Variants in RAPH1 observed in about 807,000 individuals in gnomAD.
RAPH1 encodes the protein ras-associated and pleckstrin homology domains-containing protein 1.
RAPH1 carries 18 observed loss-of-function variants against 88.1 expected under a neutral mutation model. That is an observed-to-expected ratio of 0.20 (90% CI 0.14 to 0.30). The LOEUF (loss-of-function observed/expected upper bound fraction) is 0.30. Ranked by LOEUF, RAPH1 falls within the 10% of genes least tolerant of loss-of-function variation. The pLI is 1.00. For missense variants in RAPH1, 1,448 were observed against 1,543.2 expected (o/e 0.94, Z 1.03); for synonymous variants, 587 against 559.0 (o/e 1.05, Z -0.71).
rs751250565 is a variant in RAPH1, at chr2:203,490,105, CATA to C, written c.227-19_227-17del. On this transcript the variant is annotated splice_polypyrimidine_tract_variant and intron_variant, in intron 3 of 13. Coordinates refer to ENST00000319170, the MANE Select transcript of RAPH1 (RefSeq NM_213589.3). The stretch of plus-strand genomic sequence containing the variant: ...TTCAGAGCTTCTGCAATGAACAACA[CATA>C]ATGTTTCCAGAATTTATACATTCTA... 2.2e-5 allele frequency: 34 copies of C among 1,562,084 alleles called. No homozygotes were observed. The highest frequency in any genetic ancestry group is 2.7e-5 in the Non-Finnish European group (31 of 1,156,646).
chr2:203,468,432 G>T (rs931335625), intron 4 of RAPH1, among the ~76,000 whole-genome samples: 5 of 152,040 alleles, frequency 3.3e-5, no homozygotes, highest in African/African-American at 9.7e-5. Flanking sequence ...GCCCCAGGCT[G>T]GTTTCTTTGC....
intron 13 of RAPH1, chr2:203,441,803 A>T (rs1192134027): frequency 2.3e-6 from 3 of 1,286,700 alleles, no homozygotes; most frequent in Non-Finnish European, 2.9e-6. Flanking sequence ...CCAAGGGGAG[A>T]TGTGATGGCT....
intron 1 of RAPH1, among the ~76,000 whole-genome samples, chr2:203,497,024 A>C (rs1688546297): frequency 6.6e-6 from 1 of 152,084 alleles, no homozygotes; most frequent in African/African-American, 2.4e-5. Context: ...CCCTTCCAAA[A>C]CTCAAGTGTT....
chr2:203,503,829 C>T (rs572121874), intron 1 of RAPH1, among the ~76,000 whole-genome samples: 7 of 152,276 alleles, frequency 4.6e-5, no homozygotes, highest in Middle Eastern at 6.8e-3. Flanking sequence ...TACAGCCGTT[C>T]CAAATGGGAG....
intron 1 of RAPH1, among the ~76,000 whole-genome samples, chr2:203,530,012 T>C (rs754940153): frequency 6.6e-6 from 1 of 152,238 alleles, no homozygotes; most frequent in Non-Finnish European, 1.5e-5. Flanking sequence ...AGAATACCTA[T>C]CTTAGATTTC....
chr2:203,471,339 CT>C (rs2098532882), intron 4 of RAPH1, among the ~76,000 whole-genome samples: 1 of 152,134 alleles, frequency 6.6e-6, no homozygotes. Context: ...GCAGCACCCC[CT>C]ATAAGAAAGT....
chr2:203,470,300 T>C (rs1426528138), intron 4 of RAPH1: 1 of 1,610,850 alleles, frequency 6.2e-7, no homozygotes, highest in South Asian at 1.1e-5. Context: ...GGTTTCCCTG[T>C]CCAGATAGGA....
At chr2:203,488,606 A>AC (rs1467931029) in intron 4 of RAPH1, among the ~76,000 whole-genome samples, 2 of 149,694 alleles carry the variant, frequency 1.3e-5, no homozygotes, top group East Asian at 2.0e-4. Context: ...AAAAAAAAAA[A>AC]AAAAAAAAAA....
chr2:203,441,990 C>G, intron 13 of RAPH1: 1 of 1,527,052 alleles, frequency 6.5e-7, no homozygotes, highest in Non-Finnish European at 8.7e-7. Context: ...GCTTGACACA[C>G]ACACTCGTGT....
At chr2:203,521,646 T>C (rs918351666) in intron 1 of RAPH1, among the ~76,000 whole-genome samples, 4 of 152,166 alleles carry the variant, frequency 2.6e-5, no homozygotes, top group African/African-American at 9.6e-5. Flanking sequence ...AAACAAATTT[T>C]ATTTTTAAAA....
chr2:203,464,599 T>A (rs1345109476), intron 4 of RAPH1, among the ~76,000 whole-genome samples: 1 of 152,232 alleles, frequency 6.6e-6, no homozygotes, highest in African/African-American at 2.4e-5. Context: ...GGCCAAATTC[T>A]TTATGGTATT....
At chr2:203,480,347 G>A (rs1461092340) in intron 4 of RAPH1, among the ~76,000 whole-genome samples, 3 of 152,118 alleles carry the variant, frequency 2.0e-5, no homozygotes, top group African/African-American at 7.2e-5. Context: ...TCAGGAGCTC[G>A]AGACCAGCCT....
chr2:203,437,964 C>T lies in RAPH1; in HGVS notation c.*1473G>A. ...TTTTATTCCTAATAGTCCAATTTATCATAAGTTGATGAGAGTACTTATTTC... is the reference window on the plus strand; with the variant it reads ...TTTTATTCCTAATAGTCCAATTTATTATAAGTTGATGAGAGTACTTATTTC... On this transcript the variant is annotated 3_prime_UTR_variant, in exon 14 of 14. Transcript: ENST00000319170. 1 of 333,004 alleles carries T rather than the reference C, an allele frequency of 3.0e-6. No homozygotes were observed. Among genetic ancestry groups the T allele is most frequent in the Non-Finnish European group, 5.9e-6 (1 of 169,428 alleles). The allele number at this position is 333,004 out of a possible 1,614,324, so 20.6% of individuals were successfully genotyped here. A position where few individuals can be genotyped will look rare whatever the true frequency, so the allele number is the denominator to read the frequency against.
chr2:203,509,689 A>G (rs1689249461), intron 1 of RAPH1, among the ~76,000 whole-genome samples: 1 of 152,166 alleles, frequency 6.6e-6, no homozygotes, highest in South Asian at 2.1e-4. Flanking sequence ...TTGGATGGGT[A>G]TCCCTGCAAA....
intron 10 of RAPH1, among the ~76,000 whole-genome samples, chr2:203,451,599 C>A (rs1318157585): frequency 2.6e-5 from 4 of 152,160 alleles, no homozygotes; most frequent in African/African-American, 9.7e-5. Context: ...CCAGAAGCTC[C>A]ACATTTAGAT....
chr2:203,469,957 G>C (rs560863205), intron 4 of RAPH1, among the ~76,000 whole-genome samples: 1 of 152,282 alleles, frequency 6.6e-6, no homozygotes, highest in Admixed American at 6.5e-5. Flanking sequence ...ACTTTAAAAT[G>C]CAACAGTGTT....
chr2:203,478,542 T>C (rs1390092138), intron 4 of RAPH1, among the ~76,000 whole-genome samples: 1 of 151,710 alleles, frequency 6.6e-6, no homozygotes, highest in Non-Finnish European at 1.5e-5. Context: ...CGGGCTGGAC[T>C]GCAGTGGCAC....
At position 203,457,573 on chromosome 2, in the gene RAPH1, T is replaced by TC; in HGVS notation, c.1114dup (p.Glu372GlyfsTer4). On this transcript the variant is annotated frameshift_variant, in exon 8 of 14. Coordinates refer to ENST00000319170, the MANE Select transcript of RAPH1 (RefSeq NM_213589.3). LOFTEE classifies it high-confidence loss of function. ...GTTTCTATCTGCCATCTCAGCTGTT[T>TC]CTTTTTTCCCCAAAAGATAATTCTG... The TC allele has an allele frequency of 6.2e-7, 1 of 1,612,422 alleles. No homozygotes were observed. The highest frequency in any genetic ancestry group is 8.5e-7 in the Non-Finnish European group (1 of 1,178,444).
At chr2:203,498,089 C>A (rs1440844255) in intron 1 of RAPH1, among the ~76,000 whole-genome samples, 1 of 152,026 alleles carries the variant, frequency 6.6e-6, no homozygotes, top group Non-Finnish European at 1.5e-5. Context: ...TTGGAATAAC[C>A]CAGAAAATAT....
Sources: allele counts gnomAD v4.1 joint callset (sites outside exome capture counted in the v4.1 genomes callset), GRCh38; gene constraint gnomAD v4.1.1; transcripts MANE v1.5; gene names NCBI Gene and HGNC (gene_info 2026-07-23, HGNC 2026-07-21).